The following LYPLAL1 variants were observed in gnomAD, a reference collection of about 807,000 sequenced individuals.
LYPLAL1 encodes lysophospholipase-like protein 1.
Under a neutral mutation model 19.7 loss-of-function variants are expected in LYPLAL1, and 23 were observed. The observed-to-expected ratio is 1.17, with a 90% confidence interval of 0.84 to 1.65. The LOEUF (loss-of-function observed/expected upper bound fraction) is 1.65, where lower values mean the gene tolerates loss of function less well. Ranked by LOEUF, LYPLAL1 falls within the 40% of genes most tolerant of loss-of-function variation. The pLI, the probability that LYPLAL1 is intolerant of heterozygous loss-of-function variation, is 0.00. For synonymous variants in LYPLAL1, 119 were observed against 96.3 expected, an observed-to-expected ratio of 1.24 and a Z score of -1.38; for missense variants, 355 against 279.4, an observed-to-expected ratio of 1.27 and a Z score of -1.93.
At chr1:219,190,529 A>C (rs1657071253) in intron 2 of LYPLAL1, among the ~76,000 whole-genome samples, 1 of 148,138 alleles carries the variant, frequency 6.8e-6, no homozygotes, top group Non-Finnish European at 1.5e-5. Context: ...AAATGTATGG[A>C]TTGGCAGGAG....
chr1:219,441,648 T>A, the LYPLAL1 span, among the ~76,000 whole-genome samples: 1 of 152,286 alleles, frequency 6.6e-6, no homozygotes, highest in South Asian at 2.1e-4. Context: ...CAAAATTAAG[T>A]CTCAGAAACA....
the LYPLAL1 span, among the ~76,000 whole-genome samples, chr1:219,292,710 T>C: frequency 6.6e-6 from 1 of 152,204 alleles, no homozygotes; most frequent in Non-Finnish European, 1.5e-5. Context: ...TACTGTGCAC[T>C]ACACAGGGGT....
chr1:219,187,609 A>T (rs1364521301), intron 2 of LYPLAL1, among the ~76,000 whole-genome samples: 1 of 151,904 alleles, frequency 6.6e-6, no homozygotes, highest in Non-Finnish European at 1.5e-5. Flanking sequence ...AAAATTCTAA[A>T]AGTAATAAGA....
At chr1:219,377,781 T>C in the LYPLAL1 span, among the ~76,000 whole-genome samples, 1 of 152,220 alleles carries the variant, frequency 6.6e-6, no homozygotes, top group Non-Finnish European at 1.5e-5. Context: ...CTCTTACATC[T>C]TGTTCTCTAT....
At chr1:219,241,132 C>CTATATATATATA in the LYPLAL1 span, among the ~76,000 whole-genome samples, 22 of 57,512 alleles carry the variant, frequency 3.8e-4, no homozygotes, top group South Asian at 6.1e-4. Flanking sequence ...CTCTCTCTCT[C>CTATATATATATA]TCTATATATA....
At chr1:219,205,464 T>C (rs942245896) in intron 3 of LYPLAL1, among the ~76,000 whole-genome samples, 4 of 152,032 alleles carry the variant, frequency 2.6e-5, no homozygotes, top group Admixed American at 6.5e-5. Flanking sequence ...ACTTTCAAAT[T>C]AGTATTACAT....
At chr1:219,297,000 G>A in the LYPLAL1 span, among the ~76,000 whole-genome samples, 2 of 152,132 alleles carry the variant, frequency 1.3e-5, no homozygotes, top group African/African-American at 4.8e-5. Flanking sequence ...CTAATAACTG[G>A]GAAAAGTGAG....
chr1:219,252,633 C>T, the LYPLAL1 span, among the ~76,000 whole-genome samples: 1 of 152,102 alleles, frequency 6.6e-6, no homozygotes, highest in Non-Finnish European at 1.5e-5. Flanking sequence ...AGGGATGAAG[C>T]CTACCTGATG....
the LYPLAL1 span, among the ~76,000 whole-genome samples, chr1:219,407,800 A>G: frequency 2.0e-5 from 3 of 152,104 alleles, no homozygotes; most frequent in African/African-American, 7.2e-5. Flanking sequence ...ATAATTCTGG[A>G]GGCTGGGAAG....
At chr1:219,378,878 C>T in the LYPLAL1 span, among the ~76,000 whole-genome samples, 1 of 152,106 alleles carries the variant, frequency 6.6e-6, no homozygotes, top group African/African-American at 2.4e-5. Context: ...GTTCTGAACT[C>T]ATGCAGTAAG....
the LYPLAL1 span, among the ~76,000 whole-genome samples, chr1:219,270,183 G>A: frequency 6.6e-6 from 1 of 152,228 alleles, no homozygotes; most frequent in African/African-American, 2.4e-5. Context: ...TATTTTAGTG[G>A]TGTTGTTGTT....
chr1:219,368,661 A>G, the LYPLAL1 span, among the ~76,000 whole-genome samples: 17 of 152,376 alleles, frequency 1.1e-4, no homozygotes, highest in African/African-American at 4.1e-4. Context: ...GTCATCCAAA[A>G]TAAAGCATAG....
At chr1:219,177,996 G>A (rs534340773) in intron 1 of LYPLAL1, among the ~76,000 whole-genome samples, 65 of 152,048 alleles carry the variant, frequency 4.3e-4, no homozygotes, top group Admixed American at 1.6e-3. Flanking sequence ...CCCTTTCCTC[G>A]CCCTGGGATA....
At position 219,193,187 on chromosome 1, in the gene LYPLAL1, A is replaced by G. The variant is rs1424015616; in HGVS notation, c.297A>G (p.Gln99=). 1.9e-6 allele frequency: 3 copies of G among 1,610,776 alleles called. No homozygotes were observed. Among genetic ancestry groups the G allele is most frequent in the Non-Finnish European group, 2.5e-6 (3 of 1,177,906 alleles). The change falls in exon 3 of 5, where the codon CAA becomes CAG. Residue 99 remains glutamine, a synonymous_variant. Transcript: ENST00000366928. The stretch of plus-strand genomic sequence containing the variant: ...TTGAATCAATTGATGTCATGTGTCA[A>G]GTGCTTACTGATTTGATTGATGAAG... ...EHLESIDVMC[Q]VLTDLIDEEV... is the part of the protein sequence containing the mutation.
In LYPLAL1 at chr1:219,202,758, A is replaced by G. The variant is rs116427014; in HGVS notation, c.362-7774A>G. ...AGTGGCGTGATCATAGCTCACTGCA[A>G]CCTAAACTCCTGGACTCAGTGATCC... On this transcript the variant is annotated intron_variant, in intron 3 of 4. Coordinates refer to ENST00000366928, the MANE Select transcript of LYPLAL1 (RefSeq NM_138794.5). Among the ~76,000 whole-genome samples, 258 of 152,096 alleles carry G rather than the reference A, an allele frequency of 1.7e-3. 2 individuals carry two copies. Among genetic ancestry groups the G allele is most frequent in the African/African-American group, 5.7e-3 (238 of 41,506 alleles).
the LYPLAL1 span, among the ~76,000 whole-genome samples, chr1:219,437,506 T>C: frequency 2.0e-5 from 3 of 152,090 alleles, no homozygotes; most frequent in African/African-American, 4.8e-5. Flanking sequence ...ACTCTGATCC[T>C]TCCCCTCCCT....
At chr1:219,334,868 T>C in the LYPLAL1 span, among the ~76,000 whole-genome samples, 1 of 151,924 alleles carries the variant, frequency 6.6e-6, no homozygotes, top group Non-Finnish European at 1.5e-5. Context: ...CACAAAAGCA[T>C]TCTTGGTAAC....
At chr1:219,434,904 A>T in the LYPLAL1 span, among the ~76,000 whole-genome samples, 36 of 152,222 alleles carry the variant, frequency 2.4e-4, no homozygotes, top group African/African-American at 7.0e-4. Context: ...AAAAAAATAA[A>T]GCAGAGCGCT....
At chr1:219,224,942 C>T in the LYPLAL1 span, among the ~76,000 whole-genome samples, 15 of 152,260 alleles carry the variant, frequency 9.9e-5, no homozygotes, top group African/African-American at 3.6e-4. Flanking sequence ...GATTAACCTC[C>T]GATTCTAGAA....
Sources: gnomAD v4.1 joint callset for allele counts (sites outside exome capture counted in the v4.1 genomes callset) on GRCh38, gnomAD v4.1.1 for gene constraint, MANE v1.5 for transcripts, NCBI Gene and HGNC (gene_info 2026-07-23, HGNC 2026-07-21) for gene names.